Variants in DCDC1 observed in about 807,000 individuals in gnomAD.
DCDC1 encodes doublecortin domain-containing protein 1.
In DCDC1, 200 loss-of-function variants were observed where a neutral mutation model predicts 178.3. The observed-to-expected ratio is 1.12, with a 90% CI of 1.00 to 1.26. The LOEUF (loss-of-function observed/expected upper bound fraction) is 1.26. Among genes scored for constraint, DCDC1 ranks in the 50% most tolerant of loss-of-function variants. The pLI, the probability that DCDC1 is intolerant of heterozygous loss-of-function variation, is 0.00. For synonymous variants in DCDC1, 690 were observed against 604.8 expected (o/e 1.14, Z -2.07); for missense variants, 1,983 against 1,749.2 (o/e 1.13, Z -2.38).
At chr11:31,033,214 G>A (rs1338178230) in intron 20 of DCDC1, among the ~76,000 whole-genome samples, 1 of 152,078 alleles carries the variant, frequency 6.6e-6, no homozygotes, top group Non-Finnish European at 1.5e-5. Flanking sequence ...AGTGTAGAGA[G>A]GAAGAACTTA....
At chr11:31,322,731 C>G (rs1371690360) in intron 3 of DCDC1, among the ~76,000 whole-genome samples, 3 of 152,124 alleles carry the variant, frequency 2.0e-5, no homozygotes, top group Non-Finnish European at 4.4e-5. Context: ...ACACAATGAG[C>G]CAGACTTTTT....
At chr11:31,352,782 C>T (rs10835766) in intron 1 of DCDC1, among the ~76,000 whole-genome samples, 2 of 151,940 alleles carry the variant, frequency 1.3e-5, no homozygotes, top group African/African-American at 4.8e-5. Flanking sequence ...AATGAAACCC[C>T]AAATGTAGCA....
At chr11:31,009,964 C>G (rs1228066108) in intron 20 of DCDC1, among the ~76,000 whole-genome samples, 38 of 152,178 alleles carry the variant, frequency 2.5e-4, no homozygotes, top group Admixed American at 2.5e-3. Context: ...CCTGTGAGAA[C>G]ACATTCACTA....
At chr11:31,086,856 A>AT (rs900433346) in intron 17 of DCDC1, among the ~76,000 whole-genome samples, 2 of 152,102 alleles carry the variant, frequency 1.3e-5, no homozygotes, top group East Asian at 1.9e-4. Flanking sequence ...CTGGTCTATG[A>AT]TTTTTTCCCT....
intron 31 of DCDC1, chr11:30,904,030 T>G (rs566277378): frequency 5.3e-4 from 87 of 163,492 alleles, no homozygotes; most frequent in African/African-American, 1.6e-3. Context: ...ATACAACTGT[T>G]GTAATACTTC....
At chr11:31,238,396 T>C (rs999219663) in intron 9 of DCDC1, among the ~76,000 whole-genome samples, 1 of 152,132 alleles carries the variant, frequency 6.6e-6, no homozygotes, top group African/African-American at 2.4e-5. Flanking sequence ...AAATCACTAA[T>C]ATCATTTTAA....
intron 9 of DCDC1, among the ~76,000 whole-genome samples, chr11:31,223,019 T>C (rs946378680): frequency 7.5e-4 from 114 of 152,184 alleles, no homozygotes; most frequent in African/African-American, 2.6e-3. Context: ...TATGTATATA[T>C]TGAAATATCA....
chr11:30,868,752 G>A (rs1440933837), intron 38 of DCDC1, among the ~76,000 whole-genome samples: 9 of 152,174 alleles, frequency 5.9e-5, no homozygotes, highest in African/African-American at 2.2e-4. Flanking sequence ...CCTCTATGCT[G>A]CTGAGTAAAT....
intron 6 of DCDC1, among the ~76,000 whole-genome samples, chr11:31,296,485 G>C (rs1947693460): frequency 6.6e-6 from 1 of 152,086 alleles, no homozygotes; most frequent in Admixed American, 6.6e-5. Context: ...ACATCTTTCT[G>C]TCTTCTTCTG....
intron 8 of DCDC1, among the ~76,000 whole-genome samples, chr11:31,248,150 G>A (rs1202167820): frequency 6.6e-6 from 1 of 151,990 alleles, no homozygotes; most frequent in Non-Finnish European, 1.5e-5. Context: ...ACCTAAAATA[G>A]AAGTAATGGT....
At position 31,023,211 on chromosome 11, in the gene DCDC1, T is replaced by C. The variant is rs562937682; in HGVS notation, c.2591+41258A>G. Among the ~76,000 whole-genome samples the C allele has an allele frequency of 1.5e-4, 23 of 152,202 alleles. No individual in the cohort carries two copies. The South Asian group carries it at 4.4e-3, about 29-fold the overall frequency. Reference sequence around the variant, plus strand: ...GCCTTAGTTTATAATTATGGACAAATAAGTTATCATTAGAAATGTGTTGTT... The same window carrying C: ...GCCTTAGTTTATAATTATGGACAAACAAGTTATCATTAGAAATGTGTTGTT... On this transcript the variant is annotated intron_variant, in intron 20 of 38. Coordinates refer to ENST00000684477, the MANE Select transcript of DCDC1 (RefSeq NM_001387274.1).
chr11:30,909,145 A>C (rs759103106), intron 28 of DCDC1, 29 bp from the exon 29 acceptor site: 1 of 1,588,616 alleles, frequency 6.3e-7, no homozygotes, highest in South Asian at 1.1e-5. Flanking sequence ...TATGGAGTCA[A>C]GTGAGTTCAT....
At chr11:31,266,148 C>T (rs2137116666) in intron 7 of DCDC1, among the ~76,000 whole-genome samples, 1 of 152,176 alleles carries the variant, frequency 6.6e-6, no homozygotes, top group Middle Eastern at 3.4e-3. Context: ...ACCTTGATAA[C>T]TTATGTTGTT....
At chr11:31,201,564 C>A (rs1163373942) in intron 9 of DCDC1, among the ~76,000 whole-genome samples, 2 of 151,676 alleles carry the variant, frequency 1.3e-5, no homozygotes, top group African/African-American at 4.8e-5. Flanking sequence ...TCACCCAGTA[C>A]CCTTTTTTCC....
intron 9 of DCDC1, among the ~76,000 whole-genome samples, chr11:31,235,091 C>G (rs1976286337): frequency 6.6e-6 from 1 of 152,000 alleles, no homozygotes; most frequent in African/African-American, 2.4e-5. Context: ...ATATCTTCAT[C>G]TAACTAAAGA....
At chr11:31,269,386 T>TC (rs1945393503) in intron 7 of DCDC1, among the ~76,000 whole-genome samples, 1 of 150,988 alleles carries the variant, frequency 6.6e-6, no homozygotes, top group Non-Finnish European at 1.5e-5. Flanking sequence ...GTTAATTCCT[T>TC]TTTTTTTTCT....
intron 20 of DCDC1, among the ~76,000 whole-genome samples, chr11:31,047,138 C>A (rs574099523): frequency 6.6e-6 from 1 of 152,120 alleles, no homozygotes; most frequent in South Asian, 2.1e-4. Context: ...ACCCTGTGTT[C>A]CAAGTTTCTA....
rs769815260 is a variant in DCDC1 at position 30,864,256 on chromosome 11, A to G, written c.*1117T>C. 7 of 152,250 alleles carry G rather than the reference A, an allele frequency of 4.6e-5. No homozygotes were observed. The highest frequency in any genetic ancestry group is 8.8e-5 in the Non-Finnish European group (6 of 68,042). The allele number at this position is 152,250 out of a possible 1,614,324, so 9.4% of individuals were successfully genotyped here. A position where few individuals can be genotyped will look rare whatever the true frequency, so the allele number is the denominator to read the frequency against. Reference sequence around the variant, plus strand: ...CCTGTCGAAGTCTCAAATGTTGTCAATTCATCTATAAGTAATTTCACATAA... The same window carrying G: ...CCTGTCGAAGTCTCAAATGTTGTCAGTTCATCTATAAGTAATTTCACATAA... On this transcript the variant is annotated 3_prime_UTR_variant, in exon 39 of 39. Transcript: ENST00000684477.
chr11:30,872,257 G>GT (rs910063536), intron 38 of DCDC1, among the ~76,000 whole-genome samples: 18 of 152,044 alleles, frequency 1.2e-4, no homozygotes, highest in Non-Finnish European at 2.1e-4. Flanking sequence ...GTTTTGTTTT[G>GT]TTTTTTGTGA....
Sources: gnomAD v4.1 joint callset for allele counts (sites outside exome capture counted in the v4.1 genomes callset) on GRCh38, gnomAD v4.1.1 for gene constraint, MANE v1.5 for transcripts, NCBI Gene and HGNC (gene_info 2026-07-23, HGNC 2026-07-21) for gene names.